The following CASD1 variants were observed in gnomAD, a reference collection of about 807,000 sequenced individuals.
CASD1 encodes N-acetylneuraminate (7)9-O-acetyltransferase.
CASD1 carries 41 observed loss-of-function variants against 100.0 expected under a neutral mutation model. That is an observed-to-expected ratio of 0.41 (90% CI 0.32 to 0.53). The LOEUF (loss-of-function observed/expected upper bound fraction) is 0.53. Among genes scored for constraint, CASD1 ranks in the 20% least tolerant of loss-of-function variants. The probability of loss-of-function intolerance (pLI) is 0.25; values close to 1 mark genes in which losing one functional copy is unlikely to be tolerated. For missense variants in CASD1, 774 were observed against 948.7 expected (o/e 0.82, Z 2.42); for synonymous variants, 321 against 315.6 (o/e 1.02, Z -0.18).
At chr7:94,583,130 T>G in the CASD1 span, among the ~76,000 whole-genome samples, 1 of 152,252 alleles carries the variant, frequency 6.6e-6, no homozygotes, top group African/African-American at 2.4e-5. Flanking sequence ...CTGACCTTGA[T>G]GTTATTTTCT....
chr7:94,601,978 A>G, the CASD1 span, among the ~76,000 whole-genome samples: 1 of 152,178 alleles, frequency 6.6e-6, no homozygotes, highest in Non-Finnish European at 1.5e-5. Flanking sequence ...AAAATAAAAA[A>G]TAAAAATTCC....
chr7:94,513,357 G>T (rs988450876), intron 1 of CASD1, among the ~76,000 whole-genome samples: 4 of 149,720 alleles, frequency 2.7e-5, no homozygotes, highest in Non-Finnish European at 5.9e-5. Context: ...TTTCCAGTCA[G>T]GAGGTAATTT....
the CASD1 span, among the ~76,000 whole-genome samples, chr7:94,615,848 C>T: frequency 6.6e-6 from 1 of 152,180 alleles, no homozygotes; most frequent in Non-Finnish European, 1.5e-5. Context: ...CTCTTCTTCC[C>T]ACCAGCTTTA....
At chr7:94,623,630 G>T in the CASD1 span, 1 of 499,350 alleles carries the variant, frequency 2.0e-6, no homozygotes, top group South Asian at 3.8e-5. Flanking sequence ...GTTAAAATCA[G>T]AAAGACTCTT....
the CASD1 span, among the ~76,000 whole-genome samples, chr7:94,564,453 A>T: frequency 6.6e-6 from 1 of 152,188 alleles, no homozygotes; most frequent in Non-Finnish European, 1.5e-5. Flanking sequence ...TTTGGCAGTT[A>T]GGGAGGCAGT....
At chr7:94,570,314 A>G in the CASD1 span, among the ~76,000 whole-genome samples, 2 of 151,876 alleles carry the variant, frequency 1.3e-5, no homozygotes, top group Non-Finnish European at 2.9e-5. Context: ...TACCTTCTAT[A>G]ATTATTTTCT....
intron 3 of CASD1, among the ~76,000 whole-genome samples, chr7:94,523,463 C>T (rs776524244): frequency 1.3e-5 from 2 of 151,972 alleles, no homozygotes; most frequent in Admixed American, 1.3e-4. Context: ...GCAATGGTAA[C>T]GGCAACAGCT....
the CASD1 span, chr7:94,603,227 T>G: frequency 7.4e-7 from 1 of 1,350,692 alleles, no homozygotes; most frequent in Non-Finnish European, 1.0e-6. Context: ...CAGGTTTTAG[T>G]CAAACGTTAA....
At chr7:94,607,161 A>G in the CASD1 span, among the ~76,000 whole-genome samples, 1 of 152,154 alleles carries the variant, frequency 6.6e-6, no homozygotes, top group Non-Finnish European at 1.5e-5. Context: ...ATAATTAATA[A>G]TCTTCTAAAG....
At chr7:94,623,944 C>T in the CASD1 span, 21 of 373,080 alleles carry the variant, frequency 5.6e-5, no homozygotes, top group Middle Eastern at 1.3e-3. Context: ...GTCCATGAAG[C>T]TTATGGAACA....
chr7:94,535,562 A>G, intron 8 of CASD1, 39 bp downstream of exon 8: 1 of 1,396,548 alleles, frequency 7.2e-7, no homozygotes, highest in East Asian at 2.3e-5. Context: ...TGGAGACTAT[A>G]ATATCAATTG....
chr7:94,586,030 T>C, the CASD1 span, among the ~76,000 whole-genome samples: 2 of 97,992 alleles, frequency 2.0e-5, no homozygotes, highest in South Asian at 2.9e-4. Flanking sequence ...AAAGCTTTGA[T>C]AGGAATTTAA....
the CASD1 span, chr7:94,598,945 G>C: frequency 6.2e-7 from 1 of 1,613,652 alleles, no homozygotes; most frequent in African/African-American, 1.3e-5. Flanking sequence ...GAATAGCACT[G>C]TGATGGACCA....
In CASD1 at chr7:94,533,665, G is replaced by T. The variant is rs544068383; in HGVS notation, c.505-14G>T. 1 of 1,578,590 alleles carries T rather than the reference G, an allele frequency of 6.3e-7. No individual in the cohort carries two copies. The highest frequency in any genetic ancestry group is 1.2e-5 in the South Asian group (1 of 84,684). On this transcript the variant is annotated splice_polypyrimidine_tract_variant and intron_variant, in intron 6 of 17. Coordinates refer to ENST00000297273, the MANE Select transcript of CASD1 (RefSeq NM_022900.5). The stretch of plus-strand genomic sequence containing the variant: ...TAAATACTAAATTAATGCATAATTT[G>T]TACTTCTTTTTAGTGGTCCATCAAG...
chr7:94,533,733 A>G lies in CASD1; in HGVS notation c.559A>G (p.Asn187Asp), dbSNP rs369654065. 18 of 1,606,890 alleles carry G rather than the reference A, an allele frequency of 1.1e-5. No individual in the cohort carries two copies. Among genetic ancestry groups the G allele is most frequent in the Non-Finnish European group, 1.5e-5 (18 of 1,176,540 alleles). ...SSEALSQYKM[N>D]ITSIAPLLEK... ...TGAAGCGCTTTCTCAATATAAAATG[A>G]ACATCACCTCCATAGCACCACTTTT... The change falls in exon 7 of 18, where the codon AAC (asparagine) becomes GAC (aspartate). Residue 187 changes from asparagine (N) to aspartate (D), a missense_variant. Transcript: ENST00000297273.
intron 10 of CASD1, among the ~76,000 whole-genome samples, chr7:94,542,777 G>A (rs956648404): frequency 2.6e-5 from 4 of 152,170 alleles, no homozygotes; most frequent in African/African-American, 9.7e-5. Flanking sequence ...CAGGAATGAG[G>A]TAAGGGCACA....
chr7:94,586,073 A>AC, the CASD1 span, among the ~76,000 whole-genome samples: 12 of 150,100 alleles, frequency 8.0e-5, no homozygotes, highest in South Asian at 2.1e-4. Flanking sequence ...AAAAAAAAAA[A>AC]AAAAAAAAAA....
At chr7:94,510,510 G>A (rs1347205201) in intron 1 of CASD1, among the ~76,000 whole-genome samples, 2 of 152,210 alleles carry the variant, frequency 1.3e-5, no homozygotes, top group African/African-American at 4.8e-5. Context: ...GCTGAGGTCC[G>A]GCTCCTGAGC....
chr7:94,515,461 T>C (rs1230833939), intron 1 of CASD1, among the ~76,000 whole-genome samples: 2 of 152,048 alleles, frequency 1.3e-5, no homozygotes, highest in Non-Finnish European at 2.9e-5. Flanking sequence ...AGCTATTGTT[T>C]TCCATCAACT....
Sources: allele counts gnomAD v4.1 joint callset (sites outside exome capture counted in the v4.1 genomes callset), GRCh38; gene constraint gnomAD v4.1.1; transcripts MANE v1.5; gene names NCBI Gene and HGNC (gene_info 2026-07-23, HGNC 2026-07-21).